Variants in MYBPC1 observed in about 807,000 individuals in gnomAD.
MYBPC1 encodes the protein myosin binding protein C1.
A neutral mutation model predicts 147.1 loss-of-function variants in MYBPC1; 52 were observed. The observed-to-expected ratio is 0.35, with a 90% CI of 0.28 to 0.45. The LOEUF (loss-of-function observed/expected upper bound fraction) is 0.45, where lower values mean the gene tolerates loss of function less well. Among genes scored for constraint, MYBPC1 ranks in the 20% least tolerant of loss-of-function variants. MYBPC1 has a pLI of 1.00. For missense variants in MYBPC1, 1,228 were observed against 1,440.3 expected, an observed-to-expected ratio of 0.85 and a Z score of 2.39; for synonymous variants, 477 against 475.9, an observed-to-expected ratio of 1.00 and a Z score of -0.03.
At chr12:101,610,530 G>A (rs764983613) in intron 1 of MYBPC1, among the ~76,000 whole-genome samples, 6 of 152,096 alleles carry the variant, frequency 3.9e-5, no homozygotes, top group South Asian at 4.1e-4. Context: ...AGGTGTGTCC[G>A]AGTAAAAATG....
chr12:101,677,129 T>C (rs1594065468), intron 26 of MYBPC1, 106 bp from the exon 27 acceptor site: 1 of 1,125,862 alleles, frequency 8.9e-7, no homozygotes, highest in African/African-American at 1.6e-5. Context: ...TGGTCTTTTT[T>C]TCTTTTTGTT....
At chr12:101,614,596 T>C in intron 2 of MYBPC1, 65 bp downstream of exon 2, 1 of 1,569,044 alleles carries the variant, frequency 6.4e-7, no homozygotes, top group Non-Finnish European at 8.7e-7. Context: ...CCCAGCATGA[T>C]TTGGCCTCCA....
At chr12:101,607,562 A>T (rs1230000721) in intron 1 of MYBPC1, among the ~76,000 whole-genome samples, 1 of 152,192 alleles carries the variant, frequency 6.6e-6, no homozygotes, top group Non-Finnish European at 1.5e-5. Flanking sequence ...AAGTGACAGA[A>T]AGCCACAAAA....
At chr12:101,684,716 G>A (rs554590929) in intron 31 of MYBPC1, among the ~76,000 whole-genome samples, 1 of 152,246 alleles carries the variant, frequency 6.6e-6, no homozygotes, top group South Asian at 2.1e-4. Flanking sequence ...TGAATTATTT[G>A]CATCAAGGAA....
chr12:101,651,497 G>C (rs1419059859), intron 16 of MYBPC1, 104 bp downstream of exon 16: 4 of 1,454,456 alleles, frequency 2.8e-6, no homozygotes, highest in Non-Finnish European at 3.9e-6. Flanking sequence ...TAGCCATAGG[G>C]AGATCATCTA....
At chr12:101,654,642 A>G (rs1895206318) in intron 18 of MYBPC1, among the ~76,000 whole-genome samples, 2 of 152,204 alleles carry the variant, frequency 1.3e-5, no homozygotes, top group African/African-American at 4.8e-5. Context: ...ACGCTCAAGT[A>G]TTCAGCAAAG....
intron 1 of MYBPC1, among the ~76,000 whole-genome samples, chr12:101,609,054 G>A (rs1883312610): frequency 6.6e-6 from 1 of 152,074 alleles, no homozygotes; most frequent in Non-Finnish European, 1.5e-5. Flanking sequence ...CCTGCTGTGT[G>A]GAATCTGAAA....
intron 1 of MYBPC1, among the ~76,000 whole-genome samples, chr12:101,606,192 C>T (rs1882074065): frequency 1.5e-5 from 2 of 132,280 alleles, no homozygotes; most frequent in Non-Finnish European, 3.1e-5. Flanking sequence ...GACCTTTCTT[C>T]TCAAAAAAGA....
chr12:101,619,614 C>A (rs1399886666), intron 3 of MYBPC1, among the ~76,000 whole-genome samples: 1 of 152,084 alleles, frequency 6.6e-6, no homozygotes. Flanking sequence ...GGATGAACAT[C>A]CTATGTATGT....
At chr12:101,611,223 C>A (rs1240426546) in intron 1 of MYBPC1, among the ~76,000 whole-genome samples, 2 of 152,198 alleles carry the variant, frequency 1.3e-5, no homozygotes, top group Non-Finnish European at 2.9e-5. Flanking sequence ...ATGTTTCTGC[C>A]ATTCTCTCTG....
intron 14 of MYBPC1, among the ~76,000 whole-genome samples, chr12:101,648,724 A>G (rs1253565506): frequency 6.6e-6 from 1 of 152,174 alleles, no homozygotes; most frequent in East Asian, 1.9e-4. Context: ...AGAATCACCA[A>G]TTGCTTTTAG....
chr12:101,613,235 C>G (rs1037056292), intron 1 of MYBPC1, among the ~76,000 whole-genome samples: 1 of 152,158 alleles, frequency 6.6e-6, no homozygotes, highest in African/African-American at 2.4e-5. Context: ...ATTCATTTTT[C>G]TATGCTCATT....
At chr12:101,624,866 A>G (rs825070) in intron 3 of MYBPC1, among the ~76,000 whole-genome samples, 72,357 of 151,492 alleles carry the variant, frequency 0.48, 17,809 homozygotes, top group East Asian at 0.66. Context: ...GATGTAAAAT[A>G]TGAACTTTGT....
chr12:101,684,204 C>T (rs879049158), intron 30 of MYBPC1, among the ~76,000 whole-genome samples, 178 bp from the exon 31 acceptor site: 1 of 152,006 alleles, frequency 6.6e-6, no homozygotes, highest in African/African-American at 2.4e-5. Flanking sequence ...GTGACTGGAT[C>T]CCCACCCTTC....
At position 101,649,435 on chromosome 12, in the gene MYBPC1, G is replaced by A. The variant is rs1390908845; in HGVS notation, c.1363+9G>A. On this transcript the variant is annotated intron_variant, in intron 15 of 31. Transcript: ENST00000361466. ...TAAACTTAGTGTTGACTGTAAGTGA[G>A]ACTTCTTTAGATGTCTTCTCAGTGG... The A allele has an allele frequency of 6.2e-7, 1 of 1,613,522 alleles. No individual in the cohort carries two copies. The highest frequency in any genetic ancestry group is 1.7e-5 in the Admixed American group (1 of 60,024).
Position 101,649,311 on chromosome 12 carries a change from T to C in MYBPC1, c.1248T>C (p.Ile416=), listed in dbSNP as rs751096111. ...CTGGTCCAAAATCAAGATACCGAAT[T>C]AGAGTTGAGGGTAAAAAACACATCT... ...IIPGPKSRYR[I]RVEGKKHILI... is the part of the protein sequence containing the mutation. Residue 416 remains isoleucine, a synonymous_variant, in exon 15 of 32, where the codon ATT becomes ATC. Coordinates refer to ENST00000361466, the MANE Select transcript of MYBPC1 (RefSeq NM_002465.4). 1 of 1,613,846 alleles carries C rather than the reference T, an allele frequency of 6.2e-7. No homozygotes were observed. The highest frequency in any genetic ancestry group is 8.5e-7 in the Non-Finnish European group (1 of 1,179,796).
chr12:101,694,361 T>G, the MYBPC1 span, among the ~76,000 whole-genome samples: 1 of 152,234 alleles, frequency 6.6e-6, no homozygotes, highest in Non-Finnish European at 1.5e-5. Flanking sequence ...TGTGTGTATT[T>G]TGCCTATGGC....
rs1951310046 is a variant in MYBPC1, at chr12:101,685,655, A to T, written c.*93A>T. ...TAATTGATTCGTATCTGCGAGACTT[A>T]CACTCAAGCAATCCTGAGGAATACT... On this transcript the variant is annotated 3_prime_UTR_variant, in exon 32 of 32. Transcript: ENST00000361466. 3 of 1,531,028 alleles carry T rather than the reference A, an allele frequency of 2.0e-6. No individual in the cohort carries two copies. In the African/African-American group the frequency reaches 4.1e-5, roughly 21 times the overall value. 94.8% of individuals were successfully genotyped at this position (1,531,028 alleles called of 1,614,324 possible).
intron 10 of MYBPC1, among the ~76,000 whole-genome samples, chr12:101,639,279 A>T (rs534304170): frequency 2.0e-5 from 3 of 152,356 alleles, no homozygotes; most frequent in South Asian, 2.1e-4. Context: ...AGTATTATAC[A>T]GGTCTATCCC....
Sources: allele counts gnomAD v4.1 joint callset (sites outside exome capture counted in the v4.1 genomes callset), GRCh38; gene constraint gnomAD v4.1.1; transcripts MANE v1.5; gene names NCBI Gene and HGNC (gene_info 2026-07-23, HGNC 2026-07-21).